Variants in PCDHGB5 observed in about 807,000 individuals in gnomAD.
The protein encoded by PCDHGB5 is protocadherin gamma-B5.
A neutral mutation model predicts 62.9 loss-of-function variants in PCDHGB5; 48 were observed. The observed-to-expected ratio is 0.76, with a 90% confidence interval of 0.61 to 0.97. The LOEUF is 0.97. Ranked by LOEUF, PCDHGB5 falls within the 50% of genes least tolerant of loss-of-function variation. PCDHGB5 has a pLI of 0.00. For missense variants in PCDHGB5, 1,118 were observed against 1,198.6 expected (o/e 0.93, Z 0.99); for synonymous variants, 474 against 511.2 (o/e 0.93, Z 0.98).
intron 1 of PCDHGB5, chr5:141,405,160 C>T (rs2094616263): frequency 6.2e-7 from 1 of 1,614,028 alleles, no homozygotes; most frequent in Non-Finnish European, 8.5e-7. Flanking sequence ...CTGGTGTGCC[C>T]ACCTCACACT....
chr5:141,423,513 G>A, intron 1 of PCDHGB5: 2 of 1,613,750 alleles, frequency 1.2e-6, no homozygotes. Context: ...CTCTCATTGC[G>A]GACTCGCAGA....
intron 1 of PCDHGB5, chr5:141,441,038 G>T (rs1263659082): frequency 1.3e-5 from 2 of 152,156 alleles, no homozygotes; most frequent in Non-Finnish European, 2.9e-5. Flanking sequence ...AAAACTTTAA[G>T]TACATTGGAC....
intron 1 of PCDHGB5, among the ~76,000 whole-genome samples, chr5:141,456,690 C>T (rs893478646): frequency 7.2e-5 from 11 of 152,218 alleles, no homozygotes; most frequent in Admixed American, 5.2e-4. Flanking sequence ...ACTGGCCAGG[C>T]GTGGTGGCTC....
intron 1 of PCDHGB5, chr5:141,404,057 T>C (rs558471539): frequency 1.2e-5 from 19 of 1,613,894 alleles, no homozygotes; most frequent in Non-Finnish European, 1.4e-5. Context: ...AATTCTTCTT[T>C]TCAATGCTCA....
rs2099613082 is a variant in PCDHGB5, at chr5:141,485,421, C to T, written c.2398-9386C>T. ...TTCCGTGTGGATTTGGACAGCGGAG[C>T]CCTGCTCATCAAGAACCCAATCGAC... On this transcript the variant is annotated intron_variant, in intron 1 of 3. Coordinates refer to ENST00000617380, the MANE Select transcript of PCDHGB5 (RefSeq NM_018925.3). The surrounding 1 kb of genome is among the most constrained non-coding windows in gnomAD (Gnocchi z 5.7). The T allele has an allele frequency of 6.2e-7, 1 of 1,614,112 alleles. No individual in the cohort carries two copies. Among genetic ancestry groups the T allele is most frequent in the Non-Finnish European group, 8.5e-7 (1 of 1,180,010 alleles).
intron 1 of PCDHGB5, among the ~76,000 whole-genome samples, chr5:141,473,191 G>A (rs28479996): frequency 0.019 from 2,957 of 152,242 alleles, 87 homozygotes; most frequent in African/African-American, 0.062. Context: ...AGGAGTAAAT[G>A]TATCTTCTAA....
chr5:141,442,457 T>G (rs1209684998), intron 1 of PCDHGB5: 1 of 152,268 alleles, frequency 6.6e-6, no homozygotes, highest in African/African-American at 2.4e-5. Context: ...AATAGCAGTT[T>G]CACTGCAGAA....
Position 141,431,215 on chromosome 5 carries a change from C to T in PCDHGB5, c.2397+30691C>T, listed in dbSNP as rs1225114172. On this transcript the variant is annotated intron_variant, in intron 1 of 3. Transcript: ENST00000617380. The surrounding 1 kb of genome is among the most constrained non-coding windows in gnomAD (Gnocchi z 4.8). ...AAAATGCAGCCACTGAGATGCGGTT[C>T]CCTCTACCCCACGCCTGGGATCCGG... is the stretch of plus-strand genomic sequence containing the variant. 2.5e-6 allele frequency: 4 copies of T among 1,614,066 alleles called. No homozygotes were observed. The highest frequency in any genetic ancestry group is 1.3e-5 in the African/African-American group (1 of 74,942).
rs773499765 is a variant in PCDHGB5 at position 141,489,626 on chromosome 5, A to T, written c.2398-5181A>T. 6.2e-6 allele frequency: 10 copies of T among 1,613,568 alleles called. No individual in the cohort carries two copies. In the South Asian group the frequency reaches 9.9e-5, roughly 16 times the overall value. On this transcript the variant is annotated intron_variant, in intron 1 of 3. Coordinates refer to ENST00000617380, the MANE Select transcript of PCDHGB5 (RefSeq NM_018925.3). The surrounding 1 kb of genome is among the most constrained non-coding windows in gnomAD (Gnocchi z 4.5). The stretch of plus-strand genomic sequence containing the variant: ...GTAGAGATCCTGGATCTCAATGACA[A>T]CTCTCCTAGCTTTGCCACCCCTGAG...
Position 141,490,198 on chromosome 5 carries a change from G to A in PCDHGB5, c.2398-4609G>A. ...GGAGTCACGTTTCTATGAAATTCAT[G>A]CAAGAGCCCGTGACCAGGGACAGCC... On this transcript the variant is annotated intron_variant, in intron 1 of 3. Coordinates refer to ENST00000617380, the MANE Select transcript of PCDHGB5 (RefSeq NM_018925.3). The surrounding 1 kb of genome is among the most constrained non-coding windows in gnomAD (Gnocchi z 5.4). The A allele has an allele frequency of 6.2e-7, 1 of 1,614,208 alleles. No homozygotes were observed. Among genetic ancestry groups the A allele is most frequent in the Non-Finnish European group, 8.5e-7 (1 of 1,180,038 alleles).
intron 1 of PCDHGB5, chr5:141,408,700 A>G (rs748315700): frequency 3.1e-6 from 5 of 1,613,470 alleles, no homozygotes; most frequent in Admixed American, 3.3e-5. Flanking sequence ...ACATAAACTC[A>G]ATTAAAGATT....
At chr5:141,492,132 C>A (rs1289132641) in intron 1 of PCDHGB5, among the ~76,000 whole-genome samples, 3 of 152,220 alleles carry the variant, frequency 2.0e-5, no homozygotes, top group African/African-American at 4.8e-5. Context: ...CAGCTCCCAG[C>A]ATCTGTGACT....
chr5:141,403,540 G>A (rs752983401), intron 1 of PCDHGB5: 2 of 1,613,886 alleles, frequency 1.2e-6, no homozygotes, highest in African/African-American at 2.7e-5. Context: ...AGCTGGTGCT[G>A]GAGCGCGCCC....
chr5:141,411,724 A>G (rs2095509404), intron 1 of PCDHGB5: 1 of 152,684 alleles, frequency 6.5e-6, no homozygotes, highest in South Asian at 2.1e-4. Flanking sequence ...GCTACAGAAC[A>G]TTTAAAAATT....
Position 141,399,680 on chromosome 5 carries a change from A to T in PCDHGB5, c.1553A>T (p.Tyr518Phe). The T allele has an allele frequency of 6.2e-7, 1 of 1,613,514 alleles. No individual in the cohort carries two copies. Among genetic ancestry groups the T allele is most frequent in the Non-Finnish European group, 8.5e-7 (1 of 1,179,858 alleles). ...GTGTTCGCGCAGCGCGCCTTTGACT[A>T]CGAGCAGCTGCGCACCTTCGAACTC... ...GVVFAQRAFD[Y>F]EQLRTFELTL... Residue 518 changes from tyrosine to phenylalanine, a missense_variant, in exon 1 of 4, where the codon TAC becomes TTC. By Grantham distance (22) the Tyr-to-Phe change is conservative. Coordinates refer to ENST00000617380, the MANE Select transcript of PCDHGB5 (RefSeq NM_018925.3).
intron 2 of PCDHGB5, among the ~76,000 whole-genome samples, chr5:141,503,239 C>G (rs1364808315): frequency 6.6e-6 from 1 of 152,088 alleles, no homozygotes; most frequent in Non-Finnish European, 1.5e-5. Flanking sequence ...TGGACAGTTT[C>G]TATCATACTC....
chr5:141,467,710 G>A (rs1284029664), intron 1 of PCDHGB5, among the ~76,000 whole-genome samples: 1 of 152,122 alleles, frequency 6.6e-6, no homozygotes, highest in Non-Finnish European at 1.5e-5. Context: ...TGCCCAGGCT[G>A]GAGTGTAGTG....
intron 1 of PCDHGB5, among the ~76,000 whole-genome samples, chr5:141,445,263 C>T (rs1170484721): frequency 1.3e-5 from 2 of 152,152 alleles, no homozygotes; most frequent in African/African-American, 2.4e-5. Context: ...GAATATAAGT[C>T]GAAACCACTC....
chr5:141,496,152 C>T (rs771462960), intron 2 of PCDHGB5, among the ~76,000 whole-genome samples: 2 of 152,080 alleles, frequency 1.3e-5, no homozygotes, highest in Non-Finnish European at 1.5e-5. Flanking sequence ...GATCGCAGCT[C>T]TCCACCAGAC....
Sources: allele counts gnomAD v4.1 joint callset (sites outside exome capture counted in the v4.1 genomes callset), GRCh38; gene constraint gnomAD v4.1.1; non-coding constraint Gnocchi (gnomAD v3.1); transcripts MANE v1.5; gene names NCBI Gene and HGNC (gene_info 2026-07-23, HGNC 2026-07-21).